The following AAK1 variants were observed in gnomAD, a reference collection of about 807,000 sequenced individuals.
AAK1 encodes AP2-associated protein kinase 1.
Under a neutral mutation model 116.0 loss-of-function variants are expected in AAK1, and 37 were observed. That is an observed-to-expected ratio of 0.32 (90% CI 0.25 to 0.42). The LOEUF (loss-of-function observed/expected upper bound fraction) is 0.42, where lower values mean the gene tolerates loss of function less well. AAK1 is among the 10% of genes least tolerant of loss of function. AAK1 has a pLI of 1.00. For missense variants in AAK1, 919 were observed against 1,170.6 expected, an observed-to-expected ratio of 0.79 and a Z score of 3.14; for synonymous variants, 458 against 439.9, an observed-to-expected ratio of 1.04 and a Z score of -0.51.
At chr2:69,556,489 G>A (rs1396277703) in intron 3 of AAK1, among the ~76,000 whole-genome samples, 1 of 152,120 alleles carries the variant, frequency 6.6e-6, no homozygotes, top group Non-Finnish European at 1.5e-5. Context: ...ACTGAGACTG[G>A]GGATTGGTAA....
intron 2 of AAK1, among the ~76,000 whole-genome samples, chr2:69,565,463 T>A (rs1398527053): frequency 1.3e-5 from 2 of 152,216 alleles, no homozygotes; most frequent in African/African-American, 4.8e-5. Context: ...CTTGACCAAC[T>A]GGGAAACTAA....
At chr2:69,633,473 C>T (rs924980918) in intron 2 of AAK1, among the ~76,000 whole-genome samples, 19 of 151,454 alleles carry the variant, frequency 1.3e-4, no homozygotes, top group African/African-American at 1.2e-4. Context: ...TGGTGGTACG[C>T]GCCTGCAGTA....
chr2:69,622,034 G>A (rs1451664788), intron 2 of AAK1, among the ~76,000 whole-genome samples: 4 of 152,254 alleles, frequency 2.6e-5, no homozygotes, highest in Non-Finnish European at 2.9e-5. Flanking sequence ...CCCTTTCTGG[G>A]CTGGCCAAGG....
rs965280081 is a variant in AAK1 at position 69,562,895 on chromosome 2, C to A, written c.164-5917G>T. On this transcript the variant is annotated intron_variant, in intron 2 of 21. Coordinates refer to ENST00000409085, the MANE Select transcript of AAK1 (RefSeq NM_014911.5). Reference sequence around the variant, plus strand: ...ACAGAGCGAGACTCCATCTCAAAAACAAAACAAATAAACAGACAAATTAGC... The same window carrying A: ...ACAGAGCGAGACTCCATCTCAAAAAAAAAACAAATAAACAGACAAATTAGC... 2.0e-4 allele frequency among the ~76,000 whole-genome samples: 31 copies of A among 151,382 alleles called. 1 individual carries two copies. Among genetic ancestry groups the A allele is most frequent in the Admixed American group, 1.8e-3 (28 of 15,196 alleles).
At chr2:69,611,066 G>C (rs1218565528) in intron 2 of AAK1, among the ~76,000 whole-genome samples, 1 of 152,158 alleles carries the variant, frequency 6.6e-6, no homozygotes, top group Non-Finnish European at 1.5e-5. Flanking sequence ...TGACTGGATT[G>C]AGGGATGCCT....
chr2:69,505,136 CA>C (rs1676134401), intron 16 of AAK1, among the ~76,000 whole-genome samples: 4 of 25,004 alleles, frequency 1.6e-4, no homozygotes, highest in African/African-American at 4.0e-4. Flanking sequence ...CACACACACC[CA>C]CACACACACA....
chr2:69,546,931 T>C (rs1401511911), intron 3 of AAK1, among the ~76,000 whole-genome samples: 2 of 152,198 alleles, frequency 1.3e-5, no homozygotes, highest in African/African-American at 2.4e-5. Context: ...CCCAGCAAGA[T>C]CTTACCTGTG....
rs1225784951 is a variant in AAK1 at position 69,467,706 on chromosome 2, A to G, written c.*8163T>C. ...GACCCTCTCCCCTCCTATGCAAACCATTAGCTAGCAGAAATTTCTGCCAAA... is the reference window on the plus strand; with the variant it reads ...GACCCTCTCCCCTCCTATGCAAACCGTTAGCTAGCAGAAATTTCTGCCAAA... On this transcript the variant is annotated 3_prime_UTR_variant, in exon 22 of 22. Transcript: ENST00000409085. 15 of 985,306 alleles carry G rather than the reference A, an allele frequency of 1.5e-5. No homozygotes were observed. Among genetic ancestry groups the G allele is most frequent in the African/African-American group, 1.7e-5 (1 of 57,230 alleles). 61.0% of individuals were successfully genotyped at this position (985,306 alleles called of 1,614,324 possible). A position where few individuals can be genotyped will look rare whatever the true frequency, so the allele number is the denominator to read the frequency against.
Position 69,467,852 on chromosome 2 carries a change from G to C in AAK1, c.*8017C>G. ...GACATTACATTGTAAAGAGAATGTA[G>C]AGAGAGGTCTGAACATTTTATAAGA... On this transcript the variant is annotated 3_prime_UTR_variant, in exon 22 of 22. Transcript: ENST00000409085. 1 of 985,416 alleles carries C rather than the reference G, an allele frequency of 1.0e-6. No individual in the cohort carries two copies. Among genetic ancestry groups the C allele is most frequent in the South Asian group, 4.7e-5 (1 of 21,288 alleles). 61.0% of individuals were successfully genotyped at this position (985,416 alleles called of 1,614,324 possible).
chr2:69,550,846 C>T (rs971934532), intron 3 of AAK1, among the ~76,000 whole-genome samples: 7 of 152,068 alleles, frequency 4.6e-5, no homozygotes, highest in African/African-American at 1.7e-4. Context: ...AAACTCCTGA[C>T]CTCAAATGAT....
intron 2 of AAK1, among the ~76,000 whole-genome samples, chr2:69,630,497 T>C (rs1330137670): frequency 6.6e-6 from 1 of 152,230 alleles, no homozygotes; most frequent in East Asian, 1.9e-4. Context: ...AGTTACCATT[T>C]ACAAACTGCT....
Position 69,469,936 on chromosome 2 carries a change from T to C in AAK1, c.*5933A>G. On this transcript the variant is annotated 3_prime_UTR_variant, in exon 22 of 22. Coordinates refer to ENST00000409085, the MANE Select transcript of AAK1 (RefSeq NM_014911.5). ...CACATGCTTCAGGGAAGAGAAGGAG[T>C]TCCTAAAATACCTGACAACTTGGCA... 6.1e-6 allele frequency: 6 copies of C among 984,876 alleles called. No homozygotes were observed. The highest frequency in any genetic ancestry group is 1.1e-4 in the East Asian group (1 of 8,790). The allele number at this position is 984,876 out of a possible 1,614,324, so 61.0% of individuals were successfully genotyped here.
At chr2:69,519,466 CCTT>C (rs1669660282) in intron 11 of AAK1, among the ~76,000 whole-genome samples, 2 of 152,162 alleles carry the variant, frequency 1.3e-5, no homozygotes, top group Admixed American at 6.5e-5. Context: ...AATATTGCCT[CCTT>C]AAGAAAGTCT....
chr2:69,522,345 T>C (rs1034146843), intron 10 of AAK1, among the ~76,000 whole-genome samples: 2 of 152,208 alleles, frequency 1.3e-5, no homozygotes, highest in Non-Finnish European at 2.9e-5. Flanking sequence ...CCAAGGTCCA[T>C]CCTGGGCCCA....
intron 2 of AAK1, among the ~76,000 whole-genome samples, chr2:69,604,337 T>C (rs1042103565): frequency 6.6e-6 from 1 of 152,150 alleles, no homozygotes; most frequent in East Asian, 1.9e-4. Flanking sequence ...TCACTGCCTA[T>C]TTCTTCTCCT....
At chr2:69,589,725 A>AG in intron 2 of AAK1, among the ~76,000 whole-genome samples, 1 of 151,372 alleles carries the variant, frequency 6.6e-6, no homozygotes, top group Admixed American at 6.6e-5. Context: ...AAAAAAAAAA[A>AG]AAAAGAAAGA....
chr2:69,612,522 T>C (rs1412571210), intron 2 of AAK1, among the ~76,000 whole-genome samples: 1 of 152,212 alleles, frequency 6.6e-6, no homozygotes, highest in Non-Finnish European at 1.5e-5. Context: ...GCTCTAGACG[T>C]TTCACCAGAA....
intron 2 of AAK1, among the ~76,000 whole-genome samples, chr2:69,573,118 GTA>G (rs957170147): frequency 6.6e-6 from 1 of 152,132 alleles, no homozygotes; most frequent in African/African-American, 2.4e-5. Flanking sequence ...TAATAAATGG[GTA>G]CCAGGCAAAA....
chr2:69,591,929 TG>T (rs954792827), intron 2 of AAK1, among the ~76,000 whole-genome samples: 46 of 152,286 alleles, frequency 3.0e-4, no homozygotes, highest in Middle Eastern at 6.8e-3. Flanking sequence ...ATTGGAAAGT[TG>T]GAACAAGATG....
Sources: allele counts gnomAD v4.1 joint callset (sites outside exome capture counted in the v4.1 genomes callset), GRCh38; gene constraint gnomAD v4.1.1; transcripts MANE v1.5; gene names NCBI Gene and HGNC (gene_info 2026-07-23, HGNC 2026-07-21).